Variants in SLC10A7 observed in about 807,000 individuals in gnomAD.
SLC10A7 encodes the protein solute carrier family 10 member 7, also known as sodium/bile acid cotransporter 7.
In SLC10A7, 29 loss-of-function variants were observed where a neutral mutation model predicts 43.2. The observed-to-expected ratio is 0.67, with a 90% CI of 0.50 to 0.92. The LOEUF is 0.92. Among genes scored for constraint, SLC10A7 ranks in the 40% least tolerant of loss-of-function variants. SLC10A7 has a pLI of 0.00. For synonymous variants in SLC10A7, 152 were observed against 144.8 expected (o/e 1.05, Z -0.35); for missense variants, 295 against 403.2 (o/e 0.73, Z 2.30).
intron 6 of SLC10A7, among the ~76,000 whole-genome samples, chr4:146,318,870 C>T (rs1246290875): frequency 1.3e-5 from 2 of 152,020 alleles, no homozygotes; most frequent in Non-Finnish European, 2.9e-5. Context: ...TCCCAAAAAA[C>T]CTTCATTCAA....
At chr4:146,424,702 G>T (rs1477312150) in intron 5 of SLC10A7, among the ~76,000 whole-genome samples, 1 of 151,394 alleles carries the variant, frequency 6.6e-6, no homozygotes, top group African/African-American at 2.4e-5. Context: ...CAAAAAAACA[G>T]AAGAAACCAT....
At chr4:146,287,110 G>A (rs143722640) in intron 9 of SLC10A7, among the ~76,000 whole-genome samples, 16,198 of 148,914 alleles carry the variant, frequency 0.11, 784 homozygotes, top group South Asian at 0.12. Context: ...GACCGAGTCT[G>A]GAGTGGTGAG....
rs1388815225 is a variant in SLC10A7 at position 146,310,013 on chromosome 4, T to C, written c.472-4004A>G. 2.0e-5 allele frequency among the ~76,000 whole-genome samples: 3 copies of C among 152,098 alleles called. No individual in the cohort carries two copies. The South Asian group carries it at 6.2e-4, about 32-fold the overall frequency. ...TAGTCCCCAGTGTCTCTTGTTGCCA[T>C]CTTTATGTCCCTGAGTACCCAATAT... On this transcript the variant is annotated intron_variant, in intron 6 of 11. Coordinates refer to ENST00000335472, the MANE Select transcript of SLC10A7 (RefSeq NM_001029998.6).
At chr4:146,426,313 T>C (rs1048439300) in intron 5 of SLC10A7, among the ~76,000 whole-genome samples, 2 of 152,164 alleles carry the variant, frequency 1.3e-5, no homozygotes, top group Admixed American at 6.5e-5. Flanking sequence ...CTGTGAGGTA[T>C]TGAGTGATTT....
intron 5 of SLC10A7, among the ~76,000 whole-genome samples, chr4:146,339,285 G>A (rs1734093257): frequency 6.6e-6 from 1 of 151,862 alleles, no homozygotes; most frequent in African/African-American, 2.4e-5. Context: ...ATTCCTTTTG[G>A]ACGTGTCTAA....
At chr4:146,335,210 CTCTT>C (rs1733797440) in intron 5 of SLC10A7, among the ~76,000 whole-genome samples, 1 of 124,980 alleles carries the variant, frequency 8.0e-6, no homozygotes, top group Admixed American at 9.7e-5. Flanking sequence ...ATGTTATTGT[CTCTT>C]TCTTTTTAAC....
chr4:146,497,646 T>C (rs1273954318), intron 4 of SLC10A7, among the ~76,000 whole-genome samples: 2 of 152,136 alleles, frequency 1.3e-5, no homozygotes, highest in Admixed American at 6.5e-5. Context: ...AAGAAGACAA[T>C]GCCTCTTTCC....
chr4:146,487,527 A>G (rs1291309953), intron 4 of SLC10A7, among the ~76,000 whole-genome samples: 1 of 152,222 alleles, frequency 6.6e-6, no homozygotes. Flanking sequence ...TGAGGAGCCA[A>G]TACAAGATCT....
chr4:146,397,349 C>T lies in SLC10A7; in HGVS notation c.435+45434G>A, dbSNP rs532105216. The stretch of plus-strand genomic sequence containing the variant: ...GTTTTCAGACATCTGGGTATTTCTT[C>T]CAACTTAACAACTCAAACAACACCA... On this transcript the variant is annotated intron_variant, in intron 5 of 11. Transcript: ENST00000335472. 2.6e-5 allele frequency among the ~76,000 whole-genome samples: 4 copies of T among 152,210 alleles called. No homozygotes were observed. The East Asian group carries it at 7.7e-4, about 29-fold the overall frequency.
intron 4 of SLC10A7, among the ~76,000 whole-genome samples, chr4:146,446,335 G>T (rs1731071832): frequency 6.6e-6 from 1 of 152,060 alleles, no homozygotes; most frequent in Non-Finnish European, 1.5e-5. Flanking sequence ...CCAGCACTTT[G>T]GGAGGCCGAG....
At chr4:146,261,741 C>G in intron 10 of SLC10A7, among the ~76,000 whole-genome samples, 1 of 152,116 alleles carries the variant, frequency 6.6e-6, no homozygotes, top group East Asian at 1.9e-4. Context: ...ATCTCTACCC[C>G]CACAAGTGAA....
At chr4:146,433,269 C>T (rs1238445681) in intron 5 of SLC10A7, among the ~76,000 whole-genome samples, 1 of 147,632 alleles carries the variant, frequency 6.8e-6, no homozygotes, top group Non-Finnish European at 1.5e-5. Context: ...TCAAGTGATT[C>T]TCCTGCCTCA....
intron 5 of SLC10A7, among the ~76,000 whole-genome samples, chr4:146,386,478 C>A (rs368226556): frequency 9.8e-5 from 15 of 152,320 alleles, no homozygotes; most frequent in African/African-American, 2.6e-4. Flanking sequence ...CTGTCTGCCT[C>A]CCAAACTCTC....
intron 5 of SLC10A7, among the ~76,000 whole-genome samples, chr4:146,423,010 A>C (rs1236577250): frequency 6.6e-6 from 1 of 152,186 alleles, no homozygotes; most frequent in Non-Finnish European, 1.5e-5. Context: ...TTACCTTCAA[A>C]GTATTCAATA....
chr4:146,443,258 A>G (rs1378542942), intron 4 of SLC10A7, among the ~76,000 whole-genome samples: 1 of 152,208 alleles, frequency 6.6e-6, no homozygotes, highest in Non-Finnish European at 1.5e-5. Context: ...CTTATGAGCT[A>G]CAATCACAAG....
At chr4:146,450,242 C>CT (rs964903133) in intron 4 of SLC10A7, among the ~76,000 whole-genome samples, 1 of 152,098 alleles carries the variant, frequency 6.6e-6, no homozygotes, top group Non-Finnish European at 1.5e-5. Flanking sequence ...TGTGTACATA[C>CT]TTTTTTTCTT....
At chr4:146,502,707 A>C (rs1042305337) in intron 4 of SLC10A7, among the ~76,000 whole-genome samples, 2 of 152,238 alleles carry the variant, frequency 1.3e-5, no homozygotes, top group African/African-American at 4.8e-5. Context: ...TAATGAACAC[A>C]ACATAGATGA....
At chr4:146,442,481 G>T (rs955568877) in intron 5 of SLC10A7, 317 of 1,117,436 alleles carry the variant, frequency 2.8e-4, no homozygotes, top group Non-Finnish European at 3.4e-4. Context: ...TAATCTAAAA[G>T]ACCTCATTAA....
At position 146,273,724 on chromosome 4, in the gene SLC10A7, G is replaced by A. The variant is rs550238480; in HGVS notation, c.847+9468C>T. On this transcript the variant is annotated intron_variant, in intron 10 of 11. Transcript: ENST00000335472. ...TGGCCAGGGAGGGGCTTGTCACTGA[G>A]ATCATTCAGGATGAGGTGTGCAGCA... Among the ~76,000 whole-genome samples the A allele has an allele frequency of 5.3e-5, 8 of 152,196 alleles. No homozygotes were observed. The South Asian group carries it at 1.7e-3, about 32-fold the overall frequency.
Sources: allele counts gnomAD v4.1 joint callset (sites outside exome capture counted in the v4.1 genomes callset), GRCh38; gene constraint gnomAD v4.1.1; transcripts MANE v1.5; gene names NCBI Gene and HGNC (gene_info 2026-07-23, HGNC 2026-07-21).